The following LRRIQ1 variants were observed in gnomAD, a reference collection of about 807,000 sequenced individuals.
LRRIQ1 encodes the protein leucine rich repeats and IQ motif containing 1.
Under a neutral mutation model 211.9 loss-of-function variants are expected in LRRIQ1, and 210 were observed. The ratio of observed to expected loss-of-function variants is 0.99; its 90% CI spans 0.89 to 1.11. The LOEUF (loss-of-function observed/expected upper bound fraction) is 1.11. LRRIQ1 is among the 50% of genes most tolerant of loss of function. The pLI is 0.00. For synonymous variants in LRRIQ1, 699 were observed against 650.1 expected (o/e 1.08, Z -1.14); for missense variants, 2,136 against 1,939.5 (o/e 1.10, Z -1.90).
At chr12:85,118,637 A>C (rs1887756309) in intron 15 of LRRIQ1, among the ~76,000 whole-genome samples, 1 of 151,716 alleles carries the variant, frequency 6.6e-6, no homozygotes, top group African/African-American at 2.4e-5. Flanking sequence ...GGTTGGCCCT[A>C]GGCATTTTTG....
At position 85,192,922 on chromosome 12, in the gene LRRIQ1, A is replaced by ATATAATATAATTATACATAAATATATAG. The variant is rs1565894741; in HGVS notation, c.4822+32209_4822+32210insATAATATAATTATACATAAATATATAGT. On this transcript the variant is annotated intron_variant, in intron 24 of 26. Transcript: ENST00000393217. ...TACTATAATTATACATAAATATATA[A>ATATAATATAATTATACATAAATATATAG]TTATATAATATAATTATATATAAAT... 9.3e-4 allele frequency among the ~76,000 whole-genome samples: 73 copies of ATATAATATAATTATACATAAATATATAG among 78,754 alleles called. 5 individuals carry two copies. The highest frequency in any genetic ancestry group is 4.5e-3 in the African/African-American group (66 of 14,802). 51.7% of individuals were successfully genotyped at this position (78,754 alleles called of 152,430 possible). A position where few individuals can be genotyped will look rare whatever the true frequency, so the allele number is the denominator to read the frequency against.
At chr12:85,111,934 TTA>T (rs71869023) in intron 15 of LRRIQ1, among the ~76,000 whole-genome samples, 6,497 of 141,960 alleles carry the variant, frequency 0.046, 469 homozygotes, top group African/African-American at 0.16. Flanking sequence ...ATTAGACATT[TTA>T]TATATATATA....
At chr12:85,061,669 T>G (rs1352799983) in intron 8 of LRRIQ1, among the ~76,000 whole-genome samples, 1 of 151,796 alleles carries the variant, frequency 6.6e-6, no homozygotes, top group Non-Finnish European at 1.5e-5. Flanking sequence ...AATTTTCAAT[T>G]CTTGAGTGCT....
intron 24 of LRRIQ1, among the ~76,000 whole-genome samples, chr12:85,199,401 A>G (rs1206099543): frequency 6.6e-6 from 1 of 151,868 alleles, no homozygotes; most frequent in African/African-American, 2.4e-5. Flanking sequence ...TTGACTTTGT[A>G]GAGGTCAGAT....
rs774572218 is a variant in LRRIQ1 at position 85,056,244 on chromosome 12, A to G, written c.1451A>G (p.Asn484Ser). The change falls in exon 8 of 27, where the codon AAT becomes AGT. Residue 484 changes from asparagine to serine, a missense_variant. Physicochemically the swap from Asn to Ser is conservative, Grantham distance 46. Coordinates refer to ENST00000393217, the MANE Select transcript of LRRIQ1 (RefSeq NM_001079910.2). ...ILADFKMEEK[N>S]ENLAKKRCSE... Reference sequence around the variant, plus strand: ...GCAGATTTTAAAATGGAAGAAAAAAATGAAAACCTAGCAAAAAAACGATGT... The same window carrying G: ...GCAGATTTTAAAATGGAAGAAAAAAGTGAAAACCTAGCAAAAAAACGATGT... 1.3e-6 allele frequency: 2 copies of G among 1,573,222 alleles called. No homozygotes were observed. The highest frequency in any genetic ancestry group is 1.7e-6 in the Non-Finnish European group (2 of 1,169,394).
chr12:85,189,783 T>C (rs1892399878), intron 24 of LRRIQ1, among the ~76,000 whole-genome samples: 1 of 146,710 alleles, frequency 6.8e-6, no homozygotes, highest in Non-Finnish European at 1.5e-5. Flanking sequence ...TCTAATAATA[T>C]ATATTATTTA....
chr12:85,122,226 A>G (rs1434563253), intron 16 of LRRIQ1, among the ~76,000 whole-genome samples: 1 of 152,158 alleles, frequency 6.6e-6, no homozygotes, highest in Non-Finnish European at 1.5e-5. Flanking sequence ...TCACAAATTA[A>G]CATAAGAGAA....
chr12:85,089,744 A>G (rs1204635591), intron 11 of LRRIQ1, among the ~76,000 whole-genome samples: 1 of 152,200 alleles, frequency 6.6e-6, no homozygotes, highest in Non-Finnish European at 1.5e-5. Context: ...TATAGTTGGA[A>G]CTTGTATTTA....
intron 23 of LRRIQ1, among the ~76,000 whole-genome samples, chr12:85,157,368 T>C (rs527533554): frequency 6.2e-4 from 95 of 152,046 alleles, no homozygotes; most frequent in Middle Eastern, 3.4e-3. Context: ...TCATTACTTA[T>C]ACAGTTTATG....
At chr12:85,135,294 C>G (rs1471943337) in intron 18 of LRRIQ1, among the ~76,000 whole-genome samples, 6 of 151,508 alleles carry the variant, frequency 4.0e-5, no homozygotes, top group Non-Finnish European at 7.4e-5. Flanking sequence ...ATACTAAGAT[C>G]TACTGTTTGT....
chr12:85,201,675 T>C (rs969661596), intron 24 of LRRIQ1, among the ~76,000 whole-genome samples: 2 of 152,042 alleles, frequency 1.3e-5, no homozygotes, highest in Non-Finnish European at 2.9e-5. Flanking sequence ...GGATCTTCTC[T>C]CTTTACTAAA....
chr12:85,261,617 A>C (rs930136216), intron 1 of LRRIQ1, among the ~76,000 whole-genome samples: 1 of 152,014 alleles, frequency 6.6e-6, no homozygotes, highest in Non-Finnish European at 1.5e-5. Flanking sequence ...ATGTAGTTTC[A>C]ACCTTTGCCT....
intron 19 of LRRIQ1, among the ~76,000 whole-genome samples, chr12:85,143,733 T>C (rs983471995): frequency 6.6e-6 from 1 of 151,572 alleles, no homozygotes; most frequent in African/African-American, 2.4e-5. Flanking sequence ...ATGTTGAAAT[T>C]TTCTATCATG....
At chr12:85,099,119 GTATA>G in intron 13 of LRRIQ1, 125 bp downstream of exon 13, 1 of 499,992 alleles carries the variant, frequency 2.0e-6, no homozygotes, top group Non-Finnish European at 3.1e-6. Flanking sequence ...AAATAAATTA[GTATA>G]TAAATTATAA....
chr12:85,056,751 G>C lies in LRRIQ1; in HGVS notation c.1958G>C (p.Ser653Thr), dbSNP rs370634801. 1.6e-5 allele frequency: 25 copies of C among 1,605,084 alleles called. No individual in the cohort carries two copies. The African/African-American group carries it at 3.1e-4, about 20-fold the overall frequency. ...AACCCAAAAGACAATGCTTGGAATA[G>C]TGGCATTGTGATTTTTAACACAACT... ...EENPKDNAWN[S>T]GIVIFNTTDT... The change falls in exon 8 of 27, where the codon AGT becomes ACT. Residue 653 changes from serine to threonine, a missense_variant. Physicochemically the swap from Ser to Thr is moderately conservative, Grantham distance 58 (BLOSUM62 1). Coordinates refer to ENST00000393217, the MANE Select transcript of LRRIQ1 (RefSeq NM_001079910.2).
At chr12:85,211,750 G>A (rs1174184972) in intron 24 of LRRIQ1, among the ~76,000 whole-genome samples, 1 of 152,026 alleles carries the variant, frequency 6.6e-6, no homozygotes, top group East Asian at 1.9e-4. Flanking sequence ...CTGCCTCTTA[G>A]TACAGTTTCC....
intron 24 of LRRIQ1, among the ~76,000 whole-genome samples, chr12:85,203,973 A>G (rs1893419535): frequency 6.6e-6 from 1 of 152,122 alleles, no homozygotes; most frequent in African/African-American, 2.4e-5. Context: ...AGAGATCTTC[A>G]CGACAGCCCC....
intron 26 of LRRIQ1, among the ~76,000 whole-genome samples, chr12:85,237,507 C>G (rs7315741): frequency 0.48 from 72,923 of 151,896 alleles, 21,531 homozygotes; most frequent in African/African-American, 0.84. Context: ...TCTGTATATA[C>G]TGCACTATGT....
intron 5 of LRRIQ1, 64 bp from the exon 6 acceptor site, chr12:85,047,183 T>C: frequency 8.1e-7 from 1 of 1,233,234 alleles, no homozygotes; most frequent in Non-Finnish European, 1.1e-6. Context: ...ACTTTTATAC[T>C]TTGAATTAGT....
Sources: gnomAD v4.1 joint callset for allele counts (sites outside exome capture counted in the v4.1 genomes callset) on GRCh38, gnomAD v4.1.1 for gene constraint, MANE v1.5 for transcripts, NCBI Gene and HGNC (gene_info 2026-07-23, HGNC 2026-07-21) for gene names.